GPS1: variants seen among roughly 807,000 people sequenced by gnomAD.
GPS1 encodes the protein G protein pathway suppressor 1, also known as COP9 signalosome complex subunit 1.
GPS1 carries 11 observed loss-of-function variants against 60.0 expected under a neutral mutation model. That is an observed-to-expected ratio of 0.18 (90% CI 0.12 to 0.30). GPS1 has a LOEUF of 0.30. GPS1 is among the 10% of genes least tolerant of loss of function. The pLI, the probability that GPS1 is intolerant of heterozygous loss-of-function variation, is 1.00. For synonymous variants in GPS1, 343 were observed against 269.8 expected (o/e 1.27, Z -2.66); for missense variants, 543 against 669.2 (o/e 0.81, Z 2.08).
upstream of GPS1, chr17:82,051,562 TC>T: frequency 7.2e-7 from 1 of 1,387,712 alleles, no homozygotes; most frequent in Non-Finnish European, 9.4e-7. The surrounding 1 kb of genome is among the most constrained non-coding windows in gnomAD (Gnocchi z 4.1). Context: ...CCGTGGTTCT[TC>T]CGGGTGGTCT....
At chr17:82,055,665 A>G in intron 6 of GPS1, 75 bp from the exon 7 acceptor site, 1 of 1,033,854 alleles carries the variant, frequency 9.7e-7, no homozygotes. Context: ...CCTGGTTTCC[A>G]GGCGTTAGCG....
chr17:82,054,830 CG>C lies in GPS1; in HGVS notation c.609+25del, dbSNP rs2032126269. On this transcript the variant is annotated intron_variant, in intron 4 of 12. Coordinates refer to ENST00000578552, the MANE Select transcript of GPS1 (RefSeq NM_001321092.3). The stretch of plus-strand genomic sequence containing the variant: ...ATCAAGGTCGGCCTGCCTCGGCGGG[CG>C]GGGGTGGGCAGCATGGCTGGGCCAT... 1 of 1,578,002 alleles carries C rather than the reference CG, an allele frequency of 6.3e-7. No individual in the cohort carries two copies.
In GPS1 at chr17:82,057,230, T is replaced by C. The variant is rs779334656; in HGVS notation, c.*103T>C. 1.4e-6 allele frequency: 2 copies of C among 1,453,106 alleles called. No homozygotes were observed. The highest frequency in any genetic ancestry group is 2.8e-5 in the African/African-American group (2 of 71,572). The allele number at this position is 1,453,106 out of a possible 1,614,324, so 90.0% of individuals were successfully genotyped here. A position where few individuals can be genotyped will look rare whatever the true frequency, so the allele number is the denominator to read the frequency against. ...CTGCCTGCGGCCCAGCTAAGGGGCC[T>C]GGCCACTGGGTGCCACCCAGCCTGT... On this transcript the variant is annotated 3_prime_UTR_variant, in exon 13 of 13. Transcript: ENST00000578552.
chr17:82,056,108 G>T lies in GPS1; in HGVS notation c.929+13G>T, dbSNP rs774783058. The T allele has an allele frequency of 6.2e-7, 1 of 1,601,322 alleles. No individual in the cohort carries two copies. Among genetic ancestry groups the T allele is most frequent in the Admixed American group, 1.7e-5 (1 of 59,936 alleles). The stretch of plus-strand genomic sequence containing the variant: ...TCATCTCCAGCAGGTAGGTGCCCCG[G>T]TCCTGCAGCCCTGAAGGCTGTCCCC... On this transcript the variant is annotated intron_variant, in intron 8 of 12. Coordinates refer to ENST00000578552, the MANE Select transcript of GPS1 (RefSeq NM_001321092.3).
chr17:82,051,810 G>A (rs2030681783), upstream of GPS1: 2 of 1,132,714 alleles, frequency 1.8e-6, no homozygotes, highest in East Asian at 4.3e-5. This position sits in a 1 kb window ranked among gnomAD's most constrained non-coding sequence, Gnocchi z 4.1. Flanking sequence ...GAACCTGGCC[G>A]GAGCCGTGGG....
intron 1 of GPS1, chr17:82,052,493 A>AG (rs1172864214): frequency 6.3e-7 from 1 of 1,592,508 alleles, no homozygotes; most frequent in Non-Finnish European, 8.6e-7. Flanking sequence ...CGAGCGAGGG[A>AG]GGGGGGAGCA....
At chr17:82,055,104 G>A in intron 5 of GPS1, 58 bp from the exon 6 acceptor site, 1 of 1,565,556 alleles carries the variant, frequency 6.4e-7, no homozygotes. Flanking sequence ...TGGGGGCTGG[G>A]CATCGAGCTC....
chr17:82,056,498 C>T lies in GPS1; in HGVS notation c.1064C>T (p.Ala355Val), dbSNP rs913797799. Reference protein sequence around the residue: ...KDNLLLDMYLAPHVRTLYTQI... With the variant: ...KDNLLLDMYLVPHVRTLYTQI... ...AACCTGCTCCTGGACATGTATCTGGCCCCCCATGTCAGGACCCTGTACACC... is the reference window on the plus strand; with the variant it reads ...AACCTGCTCCTGGACATGTATCTGGTCCCCCATGTCAGGACCCTGTACACC... The change falls in exon 10 of 13, where the codon GCC becomes GTC. Residue 355 changes from alanine (A) to valine (V), a missense_variant. Physicochemically the swap from Ala to Val is moderately conservative, Grantham distance 64 (BLOSUM62 0). Around this residue, in one of 3 missense-constraint regions of GPS1, gnomAD observed 291 missense variants for 353.7 expected, o/e 0.82. Coordinates refer to ENST00000578552, the MANE Select transcript of GPS1 (RefSeq NM_001321092.3). 1.9e-6 allele frequency: 3 copies of T among 1,613,012 alleles called. No individual in the cohort carries two copies. The highest frequency in any genetic ancestry group is 2.7e-5 in the African/African-American group (2 of 74,910).
In GPS1 at chr17:82,054,978, A is replaced by T; in HGVS notation, c.687+3A>T. ...AGTCCACCCCAGAGATTGCCGAGGT[A>T]CGGGCCACCTCCTCAGAGACCTTGC... On this transcript the variant is annotated splice_donor_region_variant and intron_variant, in intron 5 of 12. Transcript: ENST00000578552. 1 of 1,613,056 alleles carries T rather than the reference A, an allele frequency of 6.2e-7. No homozygotes were observed. Among genetic ancestry groups the T allele is most frequent in the African/African-American group, 1.3e-5 (1 of 75,056 alleles).
Position 82,053,731 on chromosome 17 carries a change from C to T in GPS1, c.127-137C>T, listed in dbSNP as rs555239884. On this transcript the variant is annotated intron_variant, in intron 2 of 12. Coordinates refer to ENST00000578552, the MANE Select transcript of GPS1 (RefSeq NM_001321092.3). The stretch of plus-strand genomic sequence containing the variant: ...CCTGGGACAGCAGTCAGTCTCGTAC[C>T]CCCATGCCCGGTTCTGGTTATGGGC... 6 of 826,368 alleles carry T rather than the reference C, an allele frequency of 7.3e-6. No homozygotes were observed. In the East Asian group the frequency reaches 8.2e-5, roughly 11 times the overall value. 51.2% of individuals were successfully genotyped at this position (826,368 alleles called of 1,614,324 possible).
chr17:82,052,936 C>A, intron 1 of GPS1: 1 of 256,474 alleles, frequency 3.9e-6, no homozygotes, highest in Non-Finnish European at 7.5e-6. Flanking sequence ...AGGATGGTGG[C>A]TGGGAACGTG....
intron 5 of GPS1, 71 bp from the exon 6 acceptor site, chr17:82,055,091 G>A: frequency 6.4e-7 from 1 of 1,571,780 alleles, no homozygotes; most frequent in Non-Finnish European, 8.7e-7. Flanking sequence ...TCCCCTCTCA[G>A]TCTGGGGGCT....
chr17:82,052,644 C>G (rs2031154506), intron 1 of GPS1: 1 of 704,106 alleles, frequency 1.4e-6, no homozygotes, highest in Admixed American at 3.0e-5. Flanking sequence ...GTGCTTTTCC[C>G]GAAGGAGCGC....
At position 82,057,447 on chromosome 17, in the gene GPS1, C is replaced by T. The variant is rs1320682454; in HGVS notation, c.*320C>T. ...TCAGGTGCAGACAAGTGGGCGGTGT[C>T]CATTAAAGAGCAGACTCAGCGTTGC... On this transcript the variant is annotated 3_prime_UTR_variant, in exon 13 of 13. Transcript: ENST00000578552. 5 of 543,684 alleles carry T rather than the reference C, an allele frequency of 9.2e-6. No individual in the cohort carries two copies. Among genetic ancestry groups the T allele is most frequent in the Middle Eastern group, 5.5e-4 (2 of 3,634 alleles). The allele number at this position is 543,684 out of a possible 1,614,324, so 33.7% of individuals were successfully genotyped here. A position where few individuals can be genotyped will look rare whatever the true frequency, so the allele number is the denominator to read the frequency against.
Position 82,055,747 on chromosome 17 carries a change from A to G in GPS1, c.756A>G (p.Ala252=). 3 of 1,531,568 alleles carry G rather than the reference A, an allele frequency of 2.0e-6. No homozygotes were observed. The highest frequency in any genetic ancestry group is 2.6e-6 in the Non-Finnish European group (3 of 1,135,300). The allele number at this position is 1,531,568 out of a possible 1,614,324, so 94.9% of individuals were successfully genotyped here. A position where few individuals can be genotyped will look rare whatever the true frequency, so the allele number is the denominator to read the frequency against. ...CCCGGCTCCTTCCACTAGGCTTGGC[A>G]GAGCTGGCCGCCAGGAAGTACAAGC... ...LTKLKCAAGL[A]ELAARKYKQA... The change falls in exon 7 of 13, where the codon GCA becomes GCG. Residue 252 remains alanine, a synonymous_variant. Coordinates refer to ENST00000578552, the MANE Select transcript of GPS1 (RefSeq NM_001321092.3).
Position 82,057,191 on chromosome 17 carries a change from C to T in GPS1, c.*64C>T, listed in dbSNP as rs769215319. On this transcript the variant is annotated 3_prime_UTR_variant, in exon 13 of 13. Transcript: ENST00000578552. ...CCCACCTCCACGGACCTCGGACCTC[C>T]AGGCGGCTCAGTGCTGCCTGCGGCC... 2 of 1,575,698 alleles carry T rather than the reference C, an allele frequency of 1.3e-6. No individual in the cohort carries two copies. Among genetic ancestry groups the T allele is most frequent in the South Asian group, 2.3e-5 (2 of 88,128 alleles).
intron 1 of GPS1, 33 bp from the exon 2 acceptor site, chr17:82,053,241 G>A: frequency 6.6e-7 from 1 of 1,510,130 alleles, no homozygotes; most frequent in Non-Finnish European, 8.8e-7. Context: ...CAGTCCCCAG[G>A]ACGAGGTGCC....
Position 82,051,973 on chromosome 17 carries a change from C to T in GPS1, c.33+9C>T. The T allele has an allele frequency of 8.6e-7, 1 of 1,158,400 alleles. No individual in the cohort carries two copies. The allele number at this position is 1,158,400 out of a possible 1,614,324, so 71.8% of individuals were successfully genotyped here. A position where few individuals can be genotyped will look rare whatever the true frequency, so the allele number is the denominator to read the frequency against. On this transcript the variant is annotated intron_variant, in intron 1 of 12. Transcript: ENST00000578552. The surrounding 1 kb of genome is among the most constrained non-coding windows in gnomAD (Gnocchi z 4.1). Reference sequence around the variant, plus strand: ...AGGTGTTTAACTTGCAGGTAACGAGCCGAGGCCGCCCCGGGCCTCCGCGCC... The same window carrying T: ...AGGTGTTTAACTTGCAGGTAACGAGTCGAGGCCGCCCCGGGCCTCCGCGCC...
chr17:82,053,933 T>C lies in GPS1; in HGVS notation c.192T>C (p.Ala64=). Reference sequence around the variant, plus strand: ...GCATCGAACGGCTGCAGTTCATTGCTGATCACTGCCCCACGCTGCGGGTGG... The same window carrying C: ...GCATCGAACGGCTGCAGTTCATTGCCGATCACTGCCCCACGCTGCGGGTGG... The part of the protein sequence containing the change: ...LMRIERLQFI[A]DHCPTLRVEA... Residue 64 remains alanine, a synonymous_variant, in exon 3 of 13, where the codon GCT becomes GCC. Coordinates refer to ENST00000578552, the MANE Select transcript of GPS1 (RefSeq NM_001321092.3). 1.2e-6 allele frequency: 2 copies of C among 1,612,982 alleles called. No individual in the cohort carries two copies. The highest frequency in any genetic ancestry group is 1.7e-6 in the Non-Finnish European group (2 of 1,179,940).
Sources: allele counts gnomAD v4.1 joint callset, GRCh38; gene constraint gnomAD v4.1.1; regional missense constraint gnomAD v4.1.1; non-coding constraint Gnocchi (gnomAD v3.1); transcripts MANE v1.5; gene names NCBI Gene and HGNC (gene_info 2026-07-23, HGNC 2026-07-21).